NKAIN1: variants seen among roughly 807,000 people sequenced by gnomAD.
The protein encoded by NKAIN1 is sodium/potassium-transporting ATPase subunit beta-1-interacting protein 1.
A neutral mutation model predicts 31.6 loss-of-function variants in NKAIN1; 13 were observed. The ratio of observed to expected loss-of-function variants is 0.41; its 90% CI spans 0.27 to 0.65. The LOEUF (loss-of-function observed/expected upper bound fraction) is 0.65. Ranked by LOEUF, NKAIN1 falls within the 30% of genes least tolerant of loss-of-function variation. NKAIN1 has a pLI of 0.30. For synonymous variants in NKAIN1, 104 were observed against 109.0 expected (o/e 0.95, Z 0.28); for missense variants, 193 against 262.2 (o/e 0.74, Z 1.82).
At position 31,239,285 on chromosome 1, in the gene NKAIN1, G is replaced by A. The variant is rs1022515553; in HGVS notation, c.54+209C>T. Among the ~76,000 whole-genome samples, 1 of 152,114 alleles carries A rather than the reference G, an allele frequency of 6.6e-6. No homozygotes were observed. The highest frequency in any genetic ancestry group is 6.5e-5 in the Admixed American group (1 of 15,280). On this transcript the variant is annotated intron_variant, in intron 1 of 6. Coordinates refer to ENST00000373736, the MANE Select transcript of NKAIN1 (RefSeq NM_024522.3). This position sits in a 1 kb window ranked among gnomAD's most constrained non-coding sequence, Gnocchi z 4.8. ...CGCACTTGGGGACCGGAGGAGCGCC[G>A]GGCACAGCAGCGAGAAGCGCACACA...
intron 1 of NKAIN1, among the ~76,000 whole-genome samples, chr1:31,195,837 A>T (rs1482666529): frequency 7.5e-6 from 1 of 134,128 alleles, no homozygotes; most frequent in Non-Finnish European, 1.6e-5. Context: ...AGGTGGGAGG[A>T]TTGCTTGAGC....
chr1:31,210,817 G>A (rs1645462774), intron 1 of NKAIN1, among the ~76,000 whole-genome samples: 1 of 152,172 alleles, frequency 6.6e-6, no homozygotes, highest in African/African-American at 2.4e-5. Flanking sequence ...AAGGGCCTGG[G>A]GAGGCTGGGC....
At chr1:31,196,147 G>A (rs1645324797) in intron 1 of NKAIN1, among the ~76,000 whole-genome samples, 1 of 152,082 alleles carries the variant, frequency 6.6e-6, no homozygotes, top group African/African-American at 2.4e-5. Context: ...GGGAGACCGA[G>A]GTGGGTGGAT....
intron 1 of NKAIN1, among the ~76,000 whole-genome samples, chr1:31,218,056 CTTTCTTTCTTTCTTT>C (rs1211333474): frequency 1.4e-5 from 2 of 141,874 alleles, no homozygotes; most frequent in Admixed American, 7.8e-5. Flanking sequence ...TTCTTTCTTT[CTTTCTTTCTTTCTTT>C]TTTTTTTTTG....
At chr1:31,231,525 G>A (rs1232521029) in intron 1 of NKAIN1, among the ~76,000 whole-genome samples, 1 of 133,206 alleles carries the variant, frequency 7.5e-6, no homozygotes, top group Admixed American at 9.2e-5. Flanking sequence ...GTTGTTGTTT[G>A]TTGTTGTTGT....
intron 1 of NKAIN1, among the ~76,000 whole-genome samples, chr1:31,232,358 T>G (rs1272540361): frequency 6.7e-5 from 9 of 134,242 alleles, no homozygotes; most frequent in African/African-American, 1.1e-4. Context: ...CCCAGAGTGT[T>G]GGGATTACAG....
intron 2 of NKAIN1, among the ~76,000 whole-genome samples, chr1:31,187,426 G>A (rs1557649654): frequency 6.6e-6 from 1 of 152,110 alleles, no homozygotes; most frequent in Non-Finnish European, 1.5e-5. Context: ...GGAGTGCAGG[G>A]AGGCACTGAC....
rs999620635 is a variant in NKAIN1, at chr1:31,233,239, C to A, written c.54+6255G>T. Among the ~76,000 whole-genome samples the A allele has an allele frequency of 1.3e-5, 2 of 152,106 alleles. No individual in the cohort carries two copies. The highest frequency in any genetic ancestry group is 4.8e-5 in the African/African-American group (2 of 41,378). On this transcript the variant is annotated intron_variant, in intron 1 of 6. Coordinates refer to ENST00000373736, the MANE Select transcript of NKAIN1 (RefSeq NM_024522.3). The surrounding 1 kb of genome is among the most constrained non-coding windows in gnomAD (Gnocchi z 4.0). ...TGCTGGGATTACAGGTGTGAGCTAC[C>A]GCACCCAGCCGTGCATCACAGCTCT...
At chr1:31,219,028 A>G (rs2148362871) in intron 1 of NKAIN1, among the ~76,000 whole-genome samples, 1 of 152,342 alleles carries the variant, frequency 6.6e-6, no homozygotes, top group African/African-American at 2.4e-5. Flanking sequence ...ACCCTTCTCT[A>G]ACATTTGGGG....
At chr1:31,183,713 G>T in intron 4 of NKAIN1, 104 bp downstream of exon 4, 1 of 1,227,702 alleles carries the variant, frequency 8.1e-7, no homozygotes, top group South Asian at 1.4e-5. Context: ...CTCCCAAAGT[G>T]CTGGGATTGC....
chr1:31,204,282 C>G (rs1447949451), intron 1 of NKAIN1, among the ~76,000 whole-genome samples: 1 of 152,044 alleles, frequency 6.6e-6, no homozygotes, highest in East Asian at 1.9e-4. Flanking sequence ...GCTTTGGGTG[C>G]AGTGCTGTCT....
chr1:31,208,705 C>T (rs1409267283), intron 1 of NKAIN1, among the ~76,000 whole-genome samples: 1 of 152,160 alleles, frequency 6.6e-6, no homozygotes, highest in Admixed American at 6.5e-5. Flanking sequence ...AAAATGCTCC[C>T]TTGAAGCTGC....
intron 1 of NKAIN1, among the ~76,000 whole-genome samples, chr1:31,204,708 C>T (rs955463173): frequency 6.6e-6 from 1 of 152,196 alleles, no homozygotes. Context: ...CAACTAAGTA[C>T]AATGAAGAAC....
At chr1:31,200,045 A>ACATACATG in intron 1 of NKAIN1, among the ~76,000 whole-genome samples, 1 of 151,452 alleles carries the variant, frequency 6.6e-6, no homozygotes, top group Non-Finnish European at 1.5e-5. Flanking sequence ...ACACATGCAC[A>ACATACATG]CGTGCACACA....
rs753411055 is a variant in NKAIN1, at chr1:31,187,697, C to T, written c.192+353G>A. On this transcript the variant is annotated intron_variant, in intron 2 of 6. Transcript: ENST00000373736. ...TCGCAACCTTTCTGAGCTTCAGTTTCCTCATCTGGAAAATGGAGCTGTTAA... is the reference window on the plus strand; with the variant it reads ...TCGCAACCTTTCTGAGCTTCAGTTTTCTCATCTGGAAAATGGAGCTGTTAA... Among the ~76,000 whole-genome samples the T allele has an allele frequency of 2.2e-4, 34 of 152,072 alleles. 1 individual carries two copies. Among genetic ancestry groups the T allele is most frequent in the Admixed American group, 1.2e-3 (18 of 15,264 alleles).
At chr1:31,200,886 C>A (rs1033229043) in intron 1 of NKAIN1, among the ~76,000 whole-genome samples, 2 of 151,212 alleles carry the variant, frequency 1.3e-5, no homozygotes, top group Admixed American at 6.6e-5. Flanking sequence ...CAGGCTGGAG[C>A]GCAGTGGTGC....
chr1:31,235,302 T>TA (rs1645686151), intron 1 of NKAIN1, among the ~76,000 whole-genome samples: 1 of 150,442 alleles, frequency 6.6e-6, no homozygotes, highest in African/African-American at 2.4e-5. Context: ...GGCACGGGAT[T>TA]AAAAATTAGA....
At chr1:31,183,253 T>C (rs1645216112) in intron 4 of NKAIN1, among the ~76,000 whole-genome samples, 1 of 151,986 alleles carries the variant, frequency 6.6e-6, no homozygotes, top group South Asian at 2.1e-4. Context: ...TTGTCCAAAG[T>C]CACATAGTGG....
At chr1:31,229,567 C>T (rs768885479) in intron 1 of NKAIN1, among the ~76,000 whole-genome samples, 10 of 151,704 alleles carry the variant, frequency 6.6e-5, no homozygotes, top group East Asian at 1.9e-4. Flanking sequence ...TTTTTTGAGA[C>T]GGAGTTTCGC....
Sources: gnomAD v4.1 joint callset for allele counts (sites outside exome capture counted in the v4.1 genomes callset) on GRCh38, gnomAD v4.1.1 for gene constraint, Gnocchi (gnomAD v3.1) non-coding constraint, MANE v1.5 for transcripts, NCBI Gene and HGNC (gene_info 2026-07-23, HGNC 2026-07-21) for gene names.